PDIA2: variants seen among roughly 807,000 people sequenced by gnomAD.
PDIA2 encodes the protein protein disulfide isomerase family A member 2.
A neutral mutation model predicts 51.1 loss-of-function variants in PDIA2; 76 were observed. The observed-to-expected ratio is 1.49, with a 90% CI of 1.24 to 1.80. PDIA2 has a LOEUF of 1.80. PDIA2 is among the 40% of genes most tolerant of loss of function. PDIA2 has a pLI of 0.00. For synonymous variants in PDIA2, 429 were observed against 309.9 expected (o/e 1.38, Z -4.04); for missense variants, 946 against 706.5 (o/e 1.34, Z -3.84).
chr16:285,049 C>A, intron 4 of PDIA2, 34 bp downstream of exon 4: 1 of 1,613,164 alleles, frequency 6.2e-7, no homozygotes, highest in South Asian at 1.1e-5. Flanking sequence ...TGGGGTCCGG[C>A]TGCAGCGCCC....
In PDIA2 at chr16:283,305, G is replaced by A. The variant is rs777942192; in HGVS notation, c.136G>A (p.Val46Met). ...AATCCCCAAGGAGGATGGGATCTTG[G>A]TGCTGAGCCGCCACACCCTGGGCCT... is the stretch of plus-strand genomic sequence containing the variant. ...EEIPKEDGILVLSRHTLGLAL... is the reference protein window; with the variant it reads ...EEIPKEDGILMLSRHTLGLAL... The change falls in exon 1 of 11, where the codon GTG becomes ATG. Residue 46 changes from valine to methionine, a missense_variant. Transcript: ENST00000219406. 6.2e-7 allele frequency: 1 copy of A among 1,610,870 alleles called. No homozygotes were observed. Among genetic ancestry groups the A allele is most frequent in the South Asian group, 1.1e-5 (1 of 90,818 alleles).
Position 287,081 on chromosome 16 carries a change from A to T in PDIA2, c.1546A>T (p.Asn516Tyr). ...TGACCCTTTCTAGGAGCCACCGGCC[A>T]ACTCCACTATGGGGTCCAAGGAGGA... The part of the protein sequence containing the change: ...PAAPFPEPPA[N>Y]STMGSKEEL The change falls in exon 11 of 11, where the codon AAC (asparagine) becomes TAC (tyrosine). Residue 516 changes from asparagine (N) to tyrosine (Y), a missense_variant. Coordinates refer to ENST00000219406, the MANE Select transcript of PDIA2 (RefSeq NM_006849.4). 1 of 1,612,758 alleles carries T rather than the reference A, an allele frequency of 6.2e-7. No individual in the cohort carries two copies. Among genetic ancestry groups the T allele is most frequent in the East Asian group, 2.2e-5 (1 of 44,892 alleles).
rs2052329627 is a variant in PDIA2 at position 284,662 on chromosome 16, C to T, written c.410C>T (p.Pro137Leu). 2 of 1,595,536 alleles carry T rather than the reference C, an allele frequency of 1.3e-6. No homozygotes were observed. The highest frequency in any genetic ancestry group is 1.3e-5 in the African/African-American group (1 of 75,012). ...GGCTGAGGGGGACTCCCTGCAGGAC[C>T]ACGGGACGCTGAGGGCATTGCCGAG... Reference protein sequence around the residue: ...NRTHPEEYTGPRDAEGIAEWL... With the variant: ...NRTHPEEYTGLRDAEGIAEWL... Residue 137 changes from proline to leucine, a missense_variant, in exon 3 of 11, where the codon CCA (proline) becomes CTA (leucine). Physicochemically the swap from Pro to Leu is moderately conservative, Grantham distance 98. Coordinates refer to ENST00000219406, the MANE Select transcript of PDIA2 (RefSeq NM_006849.4).
rs563372840 is a variant in PDIA2, at chr16:285,835, A to G, written c.1119+132A>G. 587 of 991,830 alleles carry G rather than the reference A, an allele frequency of 5.9e-4. 5 individuals carry two copies. The African/African-American group carries it at 9.8e-3, about 17-fold the overall frequency. The allele number at this position is 991,830 out of a possible 1,614,324, so 61.4% of individuals were successfully genotyped here. A position where few individuals can be genotyped will look rare whatever the true frequency, so the allele number is the denominator to read the frequency against. On this transcript the variant is annotated intron_variant, in intron 7 of 10. Transcript: ENST00000219406. ...CGCAGAGGCCCCCCTCAACCCGGCA[A>G]TTCTCCCAACCCGGCGGTTCTCCCA...
Position 286,903 on chromosome 16 carries a change from G to T in PDIA2, c.1491G>T (p.Leu497=), listed in dbSNP as rs545054496. 8.7e-6 allele frequency: 14 copies of T among 1,601,526 alleles called. No individual in the cohort carries two copies. In the Middle Eastern group the frequency reaches 5.0e-4, roughly 57 times the overall value. ...AGTTCCTGGACAACGGGGGCGTGCT[G>T]CCCACGGAGGAGCCCCCGGAGGAGC... ...FSKFLDNGGV[L]PTEEPPEEPA... The change falls in exon 10 of 11, where the codon CTG becomes CTT. Residue 497 remains leucine, a synonymous_variant. Coordinates refer to ENST00000219406, the MANE Select transcript of PDIA2 (RefSeq NM_006849.4).
intron 4 of PDIA2, 21 bp from the exon 5 acceptor site, chr16:285,063 A>G (rs1467380737): frequency 4.3e-6 from 7 of 1,612,904 alleles, no homozygotes; most frequent in Admixed American, 1.7e-5. Context: ...AGCGCCCGCT[A>G]ACCCACCTGC....
In PDIA2 at chr16:286,397, G is replaced by A. The variant is rs760823751; in HGVS notation, c.1164G>A (p.Arg388=). 2.2e-5 allele frequency: 35 copies of A among 1,611,804 alleles called. No individual in the cohort carries two copies. The highest frequency in any genetic ancestry group is 3.0e-5 in the Non-Finnish European group (35 of 1,179,686). Reference sequence around the variant, plus strand: ...AGATACCCCCTGATTGGGATCAGCGGCCAGTTAAGACCCTCGTGGGCAAGA... The same window carrying A: ...AGATACCCCCTGATTGGGATCAGCGACCAGTTAAGACCCTCGTGGGCAAGA... The part of the protein sequence containing the change: ...SQEIPPDWDQ[R]PVKTLVGKNF... Residue 388 remains arginine, a synonymous_variant, in exon 8 of 11, where the codon CGG becomes CGA. Coordinates refer to ENST00000219406, the MANE Select transcript of PDIA2 (RefSeq NM_006849.4).
In PDIA2 at chr16:287,181, G is replaced by A; in HGVS notation, c.*68G>A. The A allele has an allele frequency of 3.1e-6, 5 of 1,588,844 alleles. No homozygotes were observed. The highest frequency in any genetic ancestry group is 4.3e-6 in the Non-Finnish European group (5 of 1,159,736). On this transcript the variant is annotated 3_prime_UTR_variant, in exon 11 of 11. Coordinates refer to ENST00000219406, the MANE Select transcript of PDIA2 (RefSeq NM_006849.4). ...ACCCCCTTGGGTACCAGAGGGAGCT[G>A]TGCATTGTGAATAAAGAGTGAGCTT...
rs2052387910 is a variant in PDIA2, at chr16:286,745, A to C, written c.1422+10A>C. The C allele has an allele frequency of 1.9e-6, 3 of 1,612,682 alleles. No homozygotes were observed. The highest frequency in any genetic ancestry group is 2.2e-5 in the South Asian group (2 of 91,084). On this transcript the variant is annotated intron_variant, in intron 9 of 10. Coordinates refer to ENST00000219406, the MANE Select transcript of PDIA2 (RefSeq NM_006849.4). ...AGGGCCAGGTCGGAAGGTATGGCGGACAGGTGGCTGGGGAGGAAGCCGGGG... is the reference window on the plus strand; with the variant it reads ...AGGGCCAGGTCGGAAGGTATGGCGGCCAGGTGGCTGGGGAGGAAGCCGGGG...
Position 286,538 on chromosome 16 carries a change from A to T in PDIA2, c.1241-16A>T. On this transcript the variant is annotated splice_polypyrimidine_tract_variant and intron_variant, in intron 8 of 10. Transcript: ENST00000219406. ...GGGGCTGCCCAGATGGCTGTGCTCA[A>T]CGGCTCCCATCCTAGATGCCCCGTG... The T allele has an allele frequency of 6.2e-7, 1 of 1,612,502 alleles. No homozygotes were observed. The highest frequency in any genetic ancestry group is 8.5e-7 in the Non-Finnish European group (1 of 1,179,746).
chr16:285,935 AACCCC>A (rs2052358350), intron 7 of PDIA2, among the ~76,000 whole-genome samples: 2 of 23,030 alleles, frequency 8.7e-5, no homozygotes, highest in Non-Finnish European at 1.6e-4. Flanking sequence ...TCCCAACCCC[AACCCC>A]AACCCCAACC....
intron 1 of PDIA2, 42 bp from the exon 2 acceptor site, chr16:284,345 G>A (rs1474528813): frequency 3.3e-6 from 5 of 1,514,958 alleles, no homozygotes; most frequent in East Asian, 2.4e-5. Context: ...GGGTGCTCCT[G>A]GGGTTGTGGT....
chr16:286,297 A>G, intron 7 of PDIA2, 56 bp from the exon 8 acceptor site: 2 of 746,676 alleles, frequency 2.7e-6, no homozygotes, highest in Non-Finnish European at 1.9e-6. Context: ...CCTGCACAGG[A>G]CCTCCTGAAC....
rs750411808 is a variant in PDIA2 at position 285,643 on chromosome 16, C to G, written c.1059C>G (p.Gly353=). 1.9e-6 allele frequency: 3 copies of G among 1,613,190 alleles called. No individual in the cohort carries two copies. The highest frequency in any genetic ancestry group is 2.5e-6 in the Non-Finnish European group (3 of 1,179,976). The part of the protein sequence containing the change: ...TTKKYAPVDG[G]PVTAASITAF... ...AGAAGTATGCGCCTGTGGATGGGGG[C>G]CCTGTCACCGCAGCGTCCATCACTG... Residue 353 remains glycine (G), a synonymous_variant, in exon 7 of 11, where the codon GGC becomes GGG. Coordinates refer to ENST00000219406, the MANE Select transcript of PDIA2 (RefSeq NM_006849.4).
At chr16:285,924 CTCCCAA>C (rs2052356917) in intron 7 of PDIA2, among the ~76,000 whole-genome samples, 1 of 87,442 alleles carries the variant, frequency 1.1e-5, no homozygotes, top group Non-Finnish European at 2.1e-5. Context: ...CCCCGCGGTT[CTCCCAA>C]CCCCAACCCC....
At position 283,191 on chromosome 16, in the gene PDIA2, G is replaced by GTAC. The variant is rs2052307657; in HGVS notation, c.24_26dup (p.Leu14dup). 3 of 1,591,582 alleles carry GTAC rather than the reference G, an allele frequency of 1.9e-6. No homozygotes were observed. The highest frequency in any genetic ancestry group is 1.3e-5 in the African/African-American group (1 of 74,468). On this transcript the variant is annotated inframe_insertion, in exon 1 of 11. Coordinates refer to ENST00000219406, the MANE Select transcript of PDIA2 (RefSeq NM_006849.4). ...CACCATGAGCCGCCAGCTTCTGCCT[G>GTAC]TACTGCTGCTGCTGCTGCTCAGGGC...
rs2052331339 is a variant in PDIA2 at position 284,766 on chromosome 16, G to C, written c.514G>C (p.Asp172His). 6.4e-7 allele frequency: 1 copy of C among 1,565,610 alleles called. No individual in the cohort carries two copies. The highest frequency in any genetic ancestry group is 8.6e-7 in the Non-Finnish European group (1 of 1,160,178). ...CGCCCAGGCGCTGATCGGTGGCCGG[G>C]ACCTAGTGGTCATTGGCTTCTTCCA... ...AAAQALIGGR[D>H]LVVIGFFQDL... Residue 172 changes from aspartate to histidine, a missense_variant, in exon 3 of 11, where the codon GAC becomes CAC. Asp to His is a moderately conservative substitution (Grantham distance 81). Transcript: ENST00000219406.
Position 287,138 on chromosome 16 carries a change from C to T in PDIA2, c.*25C>T. The T allele has an allele frequency of 4.3e-6, 7 of 1,611,822 alleles. No homozygotes were observed. The highest frequency in any genetic ancestry group is 5.9e-6 in the Non-Finnish European group (7 of 1,179,198). On this transcript the variant is annotated 3_prime_UTR_variant, in exon 11 of 11. Transcript: ENST00000219406. Reference sequence around the variant, plus strand: ...GCTGCCCCCGTGTCACCCCCGCCATCACTGCTGGACAGGAGCCACCCCCTT... The same window carrying T: ...GCTGCCCCCGTGTCACCCCCGCCATTACTGCTGGACAGGAGCCACCCCCTT...
rs1354489081 is a variant in PDIA2, at chr16:285,074, T to C, written c.679-10T>C. ...CTGCAGCGCCCGCTAACCCACCTGC[T>C]GCTGTCCAGTTTGATGAGGGGCGGG... On this transcript the variant is annotated splice_polypyrimidine_tract_variant and intron_variant, in intron 4 of 10. Transcript: ENST00000219406. 1 of 1,612,916 alleles carries C rather than the reference T, an allele frequency of 6.2e-7. No homozygotes were observed. The highest frequency in any genetic ancestry group is 8.5e-7 in the Non-Finnish European group (1 of 1,179,782).
Sources: gnomAD v4.1 joint callset for allele counts (sites outside exome capture counted in the v4.1 genomes callset) on GRCh38, gnomAD v4.1.1 for gene constraint, MANE v1.5 for transcripts, NCBI Gene and HGNC (gene_info 2026-07-23, HGNC 2026-07-21) for gene names.